CELSR1: variants seen among roughly 807,000 people sequenced by gnomAD.
CELSR1 encodes the protein adhesion G protein-coupled receptor C1.
CELSR1 carries 110 observed loss-of-function variants against 249.1 expected under a neutral mutation model. The observed-to-expected ratio is 0.44, with a 90% CI of 0.38 to 0.52. The LOEUF (loss-of-function observed/expected upper bound fraction) is 0.52. Ranked by LOEUF, CELSR1 falls within the 20% of genes least tolerant of loss-of-function variation. The pLI is 0.00. For missense variants in CELSR1, 4,109 were observed against 4,296.4 expected, an observed-to-expected ratio of 0.96 and a Z score of 1.22; for synonymous variants, 2,113 against 1,900.0, an observed-to-expected ratio of 1.11 and a Z score of -2.92.
intron 1 of CELSR1, among the ~76,000 whole-genome samples, chr22:46,487,877 G>T (rs1475896604): frequency 7.0e-6 from 1 of 143,664 alleles, no homozygotes. Flanking sequence ...TGCGGGGGAG[G>T]GGTGTCCAGC....
rs542934035 is a variant in CELSR1 at position 46,509,259 on chromosome 22, A to G, written c.3544+24368T>C. Among the ~76,000 whole-genome samples, 177 of 152,328 alleles carry G rather than the reference A, an allele frequency of 1.2e-3. 1 individual carries two copies. Among genetic ancestry groups the G allele is most frequent in the African/African-American group, 4.1e-3 (171 of 41,580 alleles). On this transcript the variant is annotated intron_variant, in intron 1 of 34. Transcript: ENST00000674500. ...TGCAGACCTGCAAAGCGGGGGCTCC[A>G]ATGACCCCATGTGCCATGACACCTG...
intron 1 of CELSR1, among the ~76,000 whole-genome samples, chr22:46,474,489 T>A (rs1215821673): frequency 1.3e-5 from 2 of 152,200 alleles, no homozygotes; most frequent in African/African-American, 4.8e-5. Context: ...CTGGTCCCGA[T>A]GCCTGGTCCT....
chr22:46,421,755 C>G (rs1013757178), intron 5 of CELSR1, among the ~76,000 whole-genome samples: 1 of 152,352 alleles, frequency 6.6e-6, no homozygotes, highest in Non-Finnish European at 1.5e-5. Context: ...CAGTGGCCGC[C>G]GACTTCACCA....
chr22:46,363,819 ATCC>A lies in CELSR1; in HGVS notation c.9035+174_9035+176del, dbSNP rs1386742285. ...TAGGGGGTCTGCCCATCTCCGGGGT[ATCC>A]TCCTGACCTCAGCTGCAGCGCCTCC... is the stretch of plus-strand genomic sequence containing the variant. On this transcript the variant is annotated intron_variant, in intron 34 of 34. Coordinates refer to ENST00000674500, the MANE Select transcript of CELSR1 (RefSeq NM_001378328.1). This position sits in a 1 kb window ranked among gnomAD's most constrained non-coding sequence, Gnocchi z 4.3. The A allele has an allele frequency of 2.4e-5, 19 of 805,512 alleles. No homozygotes were observed. The highest frequency in any genetic ancestry group is 5.7e-5 in the East Asian group (2 of 35,300). 49.9% of individuals were successfully genotyped at this position (805,512 alleles called of 1,614,324 possible).
At chr22:46,455,660 C>A (rs2079939986) in intron 2 of CELSR1, among the ~76,000 whole-genome samples, 1 of 152,144 alleles carries the variant, frequency 6.6e-6, no homozygotes, top group Non-Finnish European at 1.5e-5. Flanking sequence ...GTTACAGCAG[C>A]CCCAGGAAGC....
intron 3 of CELSR1, among the ~76,000 whole-genome samples, chr22:46,438,386 C>T (rs1356483885): frequency 6.6e-6 from 1 of 152,304 alleles, no homozygotes. Flanking sequence ...CACAGCGGCT[C>T]TCAGAGGCTC....
intron 1 of CELSR1, among the ~76,000 whole-genome samples, chr22:46,507,825 AAC>A (rs2080530387): frequency 6.6e-6 from 1 of 151,746 alleles, no homozygotes; most frequent in Non-Finnish European, 1.5e-5. Flanking sequence ...CCCAGAACCT[AAC>A]ACAGCCCAGA....
At chr22:46,442,044 A>G (rs536318191) in intron 2 of CELSR1, among the ~76,000 whole-genome samples, 48 of 152,334 alleles carry the variant, frequency 3.2e-4, no homozygotes, top group Non-Finnish European at 5.1e-4. Context: ...TCTACTCGGG[A>G]GGCTGAGGCA....
At chr22:46,520,097 C>T (rs1474900205) in intron 1 of CELSR1, among the ~76,000 whole-genome samples, 2 of 152,066 alleles carry the variant, frequency 1.3e-5, no homozygotes, top group African/African-American at 2.4e-5. Flanking sequence ...TGGTCTCCAA[C>T]TCCTGACCTC....
rs2079329809 is a variant in CELSR1, at chr22:46,411,139, C to T, written c.4769+463G>A. ...GCTTGAGTCCAGGAGGTCAAGGCTT[C>T]AGTGAGCTAGAATCGTGCCACTGCA... On this transcript the variant is annotated intron_variant, in intron 6 of 34. Coordinates refer to ENST00000674500, the MANE Select transcript of CELSR1 (RefSeq NM_001378328.1). This position sits in a 1 kb window ranked among gnomAD's most constrained non-coding sequence, Gnocchi z 4.2. Among the ~76,000 whole-genome samples the T allele has an allele frequency of 6.6e-6, 1 of 152,122 alleles. No homozygotes were observed. Among genetic ancestry groups the T allele is most frequent in the African/African-American group, 2.4e-5 (1 of 41,416 alleles).
chr22:46,364,240 T>C lies in CELSR1; in HGVS notation c.8791A>G (p.Asn2931Asp). ...PPEQRKGILKNKVTYPPPLTL... is the reference protein window; with the variant it reads ...PPEQRKGILKDKVTYPPPLTL... Reference sequence around the variant, plus strand: ...AGCGGCGGCGGGTAGGTGACTTTATTTTTCAAGATGCCTGGGAGGAGGAGA... The same window carrying C: ...AGCGGCGGCGGGTAGGTGACTTTATCTTTCAAGATGCCTGGGAGGAGGAGA... Residue 2931 changes from asparagine to aspartate, a missense_variant, in exon 34 of 35, where the codon AAT (asparagine) becomes GAT (aspartate). Coordinates refer to ENST00000674500, the MANE Select transcript of CELSR1 (RefSeq NM_001378328.1). 1 of 1,608,808 alleles carries C rather than the reference T, an allele frequency of 6.2e-7. No homozygotes were observed. The highest frequency in any genetic ancestry group is 8.5e-7 in the Non-Finnish European group (1 of 1,179,546).
Position 46,445,707 on chromosome 22 carries a change from A to G in CELSR1, c.4184-6296T>C, listed in dbSNP as rs1436302558. Among the ~76,000 whole-genome samples the G allele has an allele frequency of 6.6e-6, 1 of 152,310 alleles. No individual in the cohort carries two copies. Among genetic ancestry groups the G allele is most frequent in the Non-Finnish European group, 1.5e-5 (1 of 68,020 alleles). Reference sequence around the variant, plus strand: ...GTTTGTCCTGGAATTGCAATCGCGTACATTCTAGCCTCTGCAAACCCGGTG... The same window carrying G: ...GTTTGTCCTGGAATTGCAATCGCGTGCATTCTAGCCTCTGCAAACCCGGTG... On this transcript the variant is annotated intron_variant, in intron 2 of 34. Coordinates refer to ENST00000674500, the MANE Select transcript of CELSR1 (RefSeq NM_001378328.1). This position sits in a 1 kb window ranked among gnomAD's most constrained non-coding sequence, Gnocchi z 4.4.
In CELSR1 at chr22:46,429,281, G is replaced by T. The variant is rs118135756; in HGVS notation, c.4611+4112C>A. On this transcript the variant is annotated intron_variant, in intron 5 of 34. Transcript: ENST00000674500. This position sits in a 1 kb window ranked among gnomAD's most constrained non-coding sequence, Gnocchi z 4.1. ...TTCTCAAGTGGGGAGAACGTTTTCC[G>T]TCAGGCATGTCCACCCTTTTGAAGT... Among the ~76,000 whole-genome samples, 21 of 152,280 alleles carry T rather than the reference G, an allele frequency of 1.4e-4. No individual in the cohort carries two copies. The highest frequency in any genetic ancestry group is 1.4e-3 in the Admixed American group (21 of 15,296).
In CELSR1 at chr22:46,470,117, C is replaced by CTT. The variant is rs761672598; in HGVS notation, c.3545-5774_3545-5773dup. Among the ~76,000 whole-genome samples, 726 of 136,596 alleles carry CTT rather than the reference C, an allele frequency of 5.3e-3. 3 individuals carry two copies. Among genetic ancestry groups the CTT allele is most frequent in the Middle Eastern group, 0.031 (8 of 262 alleles). 89.6% of individuals were successfully genotyped at this position (136,596 alleles called of 152,430 possible). On this transcript the variant is annotated intron_variant, in intron 1 of 34. Transcript: ENST00000674500. ...GAGCTATTTTTTTGTGCCTGTTTGA[C>CTT]TTTTTTTTTTTTAGGGTCCACTACA...
At position 46,445,901 on chromosome 22, in the gene CELSR1, C is replaced by A. The variant is rs12158759; in HGVS notation, c.4184-6490G>T. Among the ~76,000 whole-genome samples the A allele has an allele frequency of 0.041, 6,297 of 152,260 alleles. 449 individuals are homozygous for A. Among genetic ancestry groups the A allele is most frequent in the African/African-American group, 0.14 (5,854 of 41,532 alleles). Reference sequence around the variant, plus strand: ...CCAGGGAGAGGTGGAGTCCTCACTGCAACCCCTCCTGCCTCCAGCAGCCCC... The same window carrying A: ...CCAGGGAGAGGTGGAGTCCTCACTGAAACCCCTCCTGCCTCCAGCAGCCCC... On this transcript the variant is annotated intron_variant, in intron 2 of 34. Coordinates refer to ENST00000674500, the MANE Select transcript of CELSR1 (RefSeq NM_001378328.1). The surrounding 1 kb of genome is among the most constrained non-coding windows in gnomAD (Gnocchi z 4.4).
At chr22:46,364,286 G>T in intron 33 of CELSR1, 35 bp from the exon 34 acceptor site, 2 of 1,597,394 alleles carry the variant, frequency 1.3e-6, no homozygotes, top group East Asian at 2.2e-5. Flanking sequence ...TCAAGTCCGG[G>T]TGATGCTGCC....
rs376095934 is a variant in CELSR1, at chr22:46,365,391, G to A, written c.8405-11C>T. The A allele has an allele frequency of 6.0e-5, 96 of 1,611,996 alleles. No individual in the cohort carries two copies. The highest frequency in any genetic ancestry group is 1.7e-4 in the Middle Eastern group (1 of 6,054). On this transcript the variant is annotated splice_polypyrimidine_tract_variant and intron_variant, in intron 31 of 34. Coordinates refer to ENST00000674500, the MANE Select transcript of CELSR1 (RefSeq NM_001378328.1). ...AGTCGGAATCGTGGCCTGTGGATGC[G>A]CGGGGGACAGGGAGGCTCAGGCCCT...
intron 3 of CELSR1, among the ~76,000 whole-genome samples, chr22:46,438,540 G>A (rs1000963029): frequency 6.6e-6 from 1 of 152,186 alleles, no homozygotes; most frequent in Non-Finnish European, 1.5e-5. Context: ...TTTAGCCACC[G>A]TCACACATAA....
At chr22:46,485,582 A>C (rs972137213) in intron 1 of CELSR1, among the ~76,000 whole-genome samples, 1 of 152,216 alleles carries the variant, frequency 6.6e-6, no homozygotes, top group Non-Finnish European at 1.5e-5. Context: ...CTGAAAATAA[A>C]ATCTGGCTGG....
Sources: allele counts gnomAD v4.1 joint callset (sites outside exome capture counted in the v4.1 genomes callset), GRCh38; gene constraint gnomAD v4.1.1; non-coding constraint Gnocchi (gnomAD v3.1); transcripts MANE v1.5; gene names NCBI Gene and HGNC (gene_info 2026-07-23, HGNC 2026-07-21).